CAMKMT: variants seen among roughly 807,000 people sequenced by gnomAD.
CAMKMT encodes the protein CaM KMT.
CAMKMT carries 53 observed loss-of-function variants against 48.0 expected under a neutral mutation model. That is an observed-to-expected ratio of 1.10 (90% CI 0.89 to 1.39). The LOEUF (loss-of-function observed/expected upper bound fraction) is 1.39, where lower values mean the gene tolerates loss of function less well. Among genes scored for constraint, CAMKMT ranks in the 40% most tolerant of loss-of-function variants. CAMKMT has a pLI of 0.00. For synonymous variants in CAMKMT, 165 were observed against 152.3 expected (o/e 1.08, Z -0.61); for missense variants, 428 against 402.7 (o/e 1.06, Z -0.54).
At chr2:44,489,209 A>G (rs1232620215) in intron 3 of CAMKMT, among the ~76,000 whole-genome samples, 1 of 150,548 alleles carries the variant, frequency 6.6e-6, no homozygotes, top group Non-Finnish European at 1.5e-5. Flanking sequence ...CCTCTAGTCT[A>G]ATGGTTTTCA....
intron 3 of CAMKMT, among the ~76,000 whole-genome samples, chr2:44,434,692 C>T (rs1377494529): frequency 6.6e-6 from 1 of 152,146 alleles, no homozygotes; most frequent in Non-Finnish European, 1.5e-5. Context: ...GTGTCTGTGA[C>T]AATCCAGAAG....
chr2:44,538,468 T>C (rs747161915), intron 3 of CAMKMT, among the ~76,000 whole-genome samples: 1 of 152,208 alleles, frequency 6.6e-6, no homozygotes, highest in African/African-American at 2.4e-5. Context: ...ATAATGTTTT[T>C]TGCAGCAACT....
intron 3 of CAMKMT, among the ~76,000 whole-genome samples, chr2:44,536,447 C>A (rs1666777384): frequency 6.6e-6 from 1 of 151,864 alleles, no homozygotes; most frequent in Non-Finnish European, 1.5e-5. Context: ...ACCTCAGCCT[C>A]CCAAGTAGCT....
chr2:44,690,027 G>A (rs1676554635), intron 3 of CAMKMT, among the ~76,000 whole-genome samples: 1 of 152,132 alleles, frequency 6.6e-6, no homozygotes, highest in Non-Finnish European at 1.5e-5. Flanking sequence ...ATTTTCTGAA[G>A]CTCTGAGATT....
intron 3 of CAMKMT, among the ~76,000 whole-genome samples, chr2:44,493,292 T>C (rs928712482): frequency 2.0e-5 from 3 of 152,182 alleles, no homozygotes; most frequent in Non-Finnish European, 4.4e-5. Context: ...AAGTCACCTG[T>C]GCCAGGTACC....
intron 9 of CAMKMT, among the ~76,000 whole-genome samples, chr2:44,756,777 C>G (rs972186485): frequency 6.6e-6 from 1 of 151,476 alleles, no homozygotes; most frequent in African/African-American, 2.4e-5. Context: ...AAGAAGCCCA[C>G]AAAGAAACAA....
At chr2:44,472,137 C>T (rs1315178450) in intron 3 of CAMKMT, among the ~76,000 whole-genome samples, 2 of 152,140 alleles carry the variant, frequency 1.3e-5, no homozygotes, top group African/African-American at 4.8e-5. Flanking sequence ...GTGGTACAAT[C>T]TCGGCTAACT....
intron 3 of CAMKMT, among the ~76,000 whole-genome samples, chr2:44,427,868 G>A (rs1684382288): frequency 6.6e-6 from 1 of 152,152 alleles, no homozygotes. Context: ...TTGCGACAGG[G>A]TTGGCTCGTT....
intron 3 of CAMKMT, among the ~76,000 whole-genome samples, chr2:44,436,210 G>A (rs1324128903): frequency 1.3e-5 from 2 of 152,074 alleles, no homozygotes; most frequent in African/African-American, 4.8e-5. Context: ...TGAGTAACTG[G>A]GACTACGGAT....
intron 3 of CAMKMT, among the ~76,000 whole-genome samples, chr2:44,624,553 T>C (rs1467855433): frequency 5.3e-5 from 8 of 151,880 alleles, no homozygotes; most frequent in Admixed American, 4.6e-4. Flanking sequence ...GTTCAGTTCC[T>C]ACCTATGAGT....
intron 2 of CAMKMT, among the ~76,000 whole-genome samples, chr2:44,376,336 G>T (rs112601200): frequency 0.025 from 3,720 of 151,514 alleles, 168 homozygotes; most frequent in African/African-American, 0.086. Context: ...CATGAGAATA[G>T]CTTGAACGTG....
chr2:44,429,251 TTA>T (rs1270813076), intron 3 of CAMKMT, among the ~76,000 whole-genome samples: 1 of 140,830 alleles, frequency 7.1e-6, no homozygotes, highest in African/African-American at 2.8e-5. Flanking sequence ...TCAGGAGGTT[TTA>T]TATATATGTG....
intron 3 of CAMKMT, among the ~76,000 whole-genome samples, chr2:44,408,107 C>A (rs1038143174): frequency 8.0e-5 from 12 of 150,544 alleles, no homozygotes; most frequent in African/African-American, 2.7e-4. Flanking sequence ...CTCACTGCAA[C>A]CTCCACCTCC....
rs1047326246 is a variant in CAMKMT at position 44,572,025 on chromosome 2, A to T, written c.377-132258A>T. ...CATATATAATCTTTTACGTATCTTA[A>T]GTATACAATTCAGTGGCACTAAGTA... On this transcript the variant is annotated intron_variant, in intron 3 of 10. Coordinates refer to ENST00000378494, the MANE Select transcript of CAMKMT (RefSeq NM_024766.5). Among the ~76,000 whole-genome samples, 31 of 152,310 alleles carry T rather than the reference A, an allele frequency of 2.0e-4. 1 individual carries two copies. Among genetic ancestry groups the T allele is most frequent in the African/African-American group, 6.5e-4 (27 of 41,566 alleles).
intron 3 of CAMKMT, among the ~76,000 whole-genome samples, chr2:44,482,054 G>A (rs1668989111): frequency 6.6e-6 from 1 of 152,030 alleles, no homozygotes; most frequent in Non-Finnish European, 1.5e-5. Flanking sequence ...CTGTTGACAT[G>A]TTTGAAAGGA....
At chr2:44,715,682 A>G (rs949256462) in intron 7 of CAMKMT, among the ~76,000 whole-genome samples, 3 of 152,198 alleles carry the variant, frequency 2.0e-5, no homozygotes, top group Non-Finnish European at 4.4e-5. Context: ...AGTGAGTCTC[A>G]GCCTAGGAGC....
At chr2:44,550,863 G>A (rs962188679) in intron 3 of CAMKMT, 9 of 152,214 alleles carry the variant, frequency 5.9e-5, no homozygotes, top group Admixed American at 1.3e-4. Flanking sequence ...AACTGTGGGT[G>A]TTCTGTATAT....
At chr2:44,457,890 C>G (rs1247777580) in intron 3 of CAMKMT, among the ~76,000 whole-genome samples, 1 of 152,030 alleles carries the variant, frequency 6.6e-6, no homozygotes, top group Non-Finnish European at 1.5e-5. Flanking sequence ...GATGGATAAG[C>G]CATTCCCCTG....
At chr2:44,420,415 A>C (rs1020808626) in intron 3 of CAMKMT, among the ~76,000 whole-genome samples, 1 of 152,138 alleles carries the variant, frequency 6.6e-6, no homozygotes, top group Non-Finnish European at 1.5e-5. Flanking sequence ...CTCTTGAACA[A>C]TGCAGGGGTT....
Sources: gnomAD v4.1 joint callset for allele counts (sites outside exome capture counted in the v4.1 genomes callset) on GRCh38, gnomAD v4.1.1 for gene constraint, MANE v1.5 for transcripts, NCBI Gene and HGNC (gene_info 2026-07-23, HGNC 2026-07-21) for gene names.